The following FAM228B variants were observed in gnomAD, a reference collection of about 807,000 sequenced individuals.
FAM228B encodes protein FAM228B.
In FAM228B, 38 loss-of-function variants were observed where a neutral mutation model predicts 42.6. The ratio of observed to expected loss-of-function variants is 0.89; its 90% CI spans 0.69 to 1.17. FAM228B has a LOEUF of 1.17. FAM228B is among the 50% of genes most tolerant of loss of function. FAM228B has a pLI of 0.00. For synonymous variants in FAM228B, 109 were observed against 122.3 expected, an observed-to-expected ratio of 0.89 and a Z score of 0.72; for missense variants, 344 against 367.3, an observed-to-expected ratio of 0.94 and a Z score of 0.52.
chr2:24,095,858 G>A lies in FAM228B; in HGVS notation c.-121+629G>A, dbSNP rs1023192343. 2 of 152,256 alleles carry A rather than the reference G, an allele frequency of 1.3e-5. No individual in the cohort carries two copies. Among genetic ancestry groups the A allele is most frequent in the African/African-American group, 4.8e-5 (2 of 41,434 alleles). The allele number at this position is 152,256 out of a possible 1,614,324, so 9.4% of individuals were successfully genotyped here. On this transcript the variant is annotated intron_variant, in intron 3 of 10. Coordinates refer to the FAM228B transcript ENST00000613899. The surrounding 1 kb of genome is among the most constrained non-coding windows in gnomAD (Gnocchi z 4.8). ...AACTAGGAGATACCTCCCAGGAGGG[G>A]CCGACAGACACCTCATATAGGCACC...
At chr2:24,101,179 G>C (rs1285770288) in intron 3 of FAM228B, among the ~76,000 whole-genome samples, 1 of 152,086 alleles carries the variant, frequency 6.6e-6, no homozygotes, top group African/African-American at 2.4e-5. Context: ...GAGTTGATGG[G>C]TGCAGCAAAC....
At chr2:24,132,169 A>G (rs900932023) in intron 2 of FAM228B, among the ~76,000 whole-genome samples, 7 of 152,244 alleles carry the variant, frequency 4.6e-5, no homozygotes, top group Non-Finnish European at 7.3e-5. Flanking sequence ...CTTGCAACGC[A>G]GGGATGAAGC....
intron 2 of FAM228B, chr2:24,087,362 G>A (rs1665283377): frequency 6.6e-6 from 1 of 152,138 alleles, no homozygotes; most frequent in Admixed American, 6.6e-5. Flanking sequence ...TTATAGGCAT[G>A]AGCCACTCTG....
At chr2:24,079,603 T>A in intron 1 of FAM228B, 1 of 1,614,054 alleles carries the variant, frequency 6.2e-7, no homozygotes. Context: ...CCCAGTAGGA[T>A]CCGCCTATGC....
chr2:24,080,718 A>C lies in FAM228B; in HGVS notation c.-289-158A>C. ...CCAGGGCAGCTGTTGTGCACTTAGC[A>C]GAGGTAAGACTGATACACAGCACTG... On this transcript the variant is annotated intron_variant, in intron 1 of 10. Transcript: ENST00000613899. The surrounding 1 kb of genome is among the most constrained non-coding windows in gnomAD (Gnocchi z 4.7). 1 of 1,419,228 alleles carries C rather than the reference A, an allele frequency of 7.0e-7. No individual in the cohort carries two copies. The allele number at this position is 1,419,228 out of a possible 1,614,324, so 87.9% of individuals were successfully genotyped here. A position where few individuals can be genotyped will look rare whatever the true frequency, so the allele number is the denominator to read the frequency against.
At chr2:24,103,219 C>T (rs572070862) in intron 3 of FAM228B, among the ~76,000 whole-genome samples, 6 of 152,268 alleles carry the variant, frequency 3.9e-5, no homozygotes, top group East Asian at 1.9e-4. Flanking sequence ...GCTGTGTGAG[C>T]GTGAGCCCTT....
In FAM228B at chr2:24,161,499, G is replaced by T; in HGVS notation, c.687-7G>T. 2.1e-6 allele frequency: 3 copies of T among 1,451,392 alleles called. No homozygotes were observed. The highest frequency in any genetic ancestry group is 2.8e-6 in the Non-Finnish European group (3 of 1,060,580). The allele number at this position is 1,451,392 out of a possible 1,614,324, so 89.9% of individuals were successfully genotyped here. ...AAAACCTTCTCACACTTGTTATCTTGTTAAAGGTTAAAGGTGAAAGTGAAT... is the reference window on the plus strand; with the variant it reads ...AAAACCTTCTCACACTTGTTATCTTTTTAAAGGTTAAAGGTGAAAGTGAAT... On this transcript the variant is annotated splice_polypyrimidine_tract_variant and splice_region_variant and intron_variant, in intron 7 of 10. Transcript: ENST00000615575.
intron 3 of FAM228B, among the ~76,000 whole-genome samples, chr2:24,116,481 C>G (rs1479118319): frequency 6.6e-6 from 1 of 152,152 alleles, no homozygotes; most frequent in Non-Finnish European, 1.5e-5. Context: ...TGCACTCCAC[C>G]ATGCCAGGTA....
chr2:24,103,523 G>C (rs1665647601), intron 3 of FAM228B, among the ~76,000 whole-genome samples: 1 of 152,218 alleles, frequency 6.6e-6, no homozygotes, highest in African/African-American at 2.4e-5. Flanking sequence ...GGGTCTCTCT[G>C]CGTAGCTGGA....
upstream of FAM228B, chr2:24,121,275 A>G (rs1666109224): frequency 6.2e-7 from 1 of 1,614,202 alleles, no homozygotes; most frequent in Non-Finnish European, 8.5e-7. Context: ...TCCATTCACC[A>G]GTGTTCGGAC....
intron 9 of FAM228B, chr2:24,166,599 C>T (rs1667420815): frequency 6.6e-6 from 1 of 151,972 alleles, no homozygotes; most frequent in African/African-American, 2.4e-5. Context: ...AGAGACGGCT[C>T]CGATTTCCTG....
intron 3 of FAM228B, chr2:24,115,511 A>G: frequency 7.2e-7 from 1 of 1,386,762 alleles, no homozygotes; most frequent in Non-Finnish European, 1.0e-6. Context: ...TTCAACCATA[A>G]AATATTTTTT....
chr2:24,097,973 A>G (rs892300531), intron 3 of FAM228B, among the ~76,000 whole-genome samples: 5 of 152,252 alleles, frequency 3.3e-5, no homozygotes, highest in African/African-American at 1.2e-4. Flanking sequence ...CTCAGGATTA[A>G]GAAACTCACT....
intron 2 of FAM228B, among the ~76,000 whole-genome samples, chr2:24,086,234 C>CAAAAAAAA (rs57641176): frequency 0.11 from 7,228 of 63,296 alleles, 392 homozygotes; most frequent in Non-Finnish European, 0.17. Flanking sequence ...GACTCCGTCT[C>CAAAAAAAA]AAAAAAAAAA....
At chr2:24,127,709 T>C (rs1181180571) in intron 2 of FAM228B, among the ~76,000 whole-genome samples, 1 of 151,736 alleles carries the variant, frequency 6.6e-6, no homozygotes, top group Non-Finnish European at 1.5e-5. Flanking sequence ...ATCACCCGGG[T>C]TGCAGTGCAG....
At position 24,080,364 on chromosome 2, in the gene FAM228B, AAAG is replaced by A. The variant is rs1449913045; in HGVS notation, c.-289-509_-289-507del. On this transcript the variant is annotated intron_variant, in intron 1 of 10. Transcript: ENST00000613899. This position sits in a 1 kb window ranked among gnomAD's most constrained non-coding sequence, Gnocchi z 4.7. ...AGTGAGACTCCATCTCAAAAAAAAAAAAGAAAGAGAAACGGAAAGGGATGAGCC... is the reference window on the plus strand; with the variant it reads ...AGTGAGACTCCATCTCAAAAAAAAAAAAAGAGAAACGGAAAGGGATGAGCC... Among the ~76,000 whole-genome samples the A allele has an allele frequency of 5.3e-5, 8 of 151,942 alleles. No individual in the cohort carries two copies. The highest frequency in any genetic ancestry group is 1.0e-4 in the Non-Finnish European group (7 of 67,960).
chr2:24,102,060 A>G (rs531482622), intron 3 of FAM228B, among the ~76,000 whole-genome samples: 1 of 152,356 alleles, frequency 6.6e-6, no homozygotes, highest in African/African-American at 2.4e-5. Flanking sequence ...TCATCATAGG[A>G]ATGCCAGCCG....
chr2:24,110,992 T>G (rs193075850), intron 3 of FAM228B, among the ~76,000 whole-genome samples: 74 of 152,264 alleles, frequency 4.9e-4, no homozygotes, highest in African/African-American at 1.6e-3. Flanking sequence ...AATTGTTTGC[T>G]CATAAACCCT....
At chr2:24,127,086 CT>C (rs1227199942) in intron 2 of FAM228B, among the ~76,000 whole-genome samples, 1 of 152,044 alleles carries the variant, frequency 6.6e-6, no homozygotes, top group Non-Finnish European at 1.5e-5. Context: ...AACTTCACAC[CT>C]TTTAGCAGTC....
Sources: gnomAD v4.1 joint callset for allele counts (sites outside exome capture counted in the v4.1 genomes callset) on GRCh38, gnomAD v4.1.1 for gene constraint, Gnocchi (gnomAD v3.1) non-coding constraint, MANE v1.5 for transcripts, NCBI Gene and HGNC (gene_info 2026-07-23, HGNC 2026-07-21) for gene names.